The following CCDC30 variants were observed in gnomAD, a reference collection of about 807,000 sequenced individuals.
The protein encoded by CCDC30 is coiled-coil domain containing 30.
CCDC30 carries 70 observed loss-of-function variants against 100.2 expected under a neutral mutation model. The observed-to-expected ratio is 0.70, with a 90% CI of 0.58 to 0.85. The LOEUF (loss-of-function observed/expected upper bound fraction) is 0.85, where lower values mean the gene tolerates loss of function less well. Among genes scored for constraint, CCDC30 ranks in the 40% least tolerant of loss-of-function variants. The pLI is 0.00. For synonymous variants in CCDC30, 233 were observed against 269.5 expected (o/e 0.86, Z 1.33); for missense variants, 652 against 771.2 (o/e 0.85, Z 1.83).
At chr1:42,510,530 G>GTGGGA (rs1644461441) in intron 6 of CCDC30, among the ~76,000 whole-genome samples, 1 of 151,828 alleles carries the variant, frequency 6.6e-6, no homozygotes, top group African/African-American at 2.4e-5. Flanking sequence ...GGTGGCACAC[G>GTGGGA]CCTGTGGTCC....
intron 1 of CCDC30, among the ~76,000 whole-genome samples, chr1:42,472,555 A>G (rs1038142404): frequency 6.6e-6 from 1 of 152,208 alleles, no homozygotes; most frequent in Admixed American, 6.5e-5. Flanking sequence ...AATAAAAGGA[A>G]CAAAGACTTC....
chr1:42,510,612 G>A (rs369084020), intron 6 of CCDC30, among the ~76,000 whole-genome samples: 11 of 151,204 alleles, frequency 7.3e-5, no homozygotes, highest in South Asian at 2.1e-4. Flanking sequence ...AGGTGAGATC[G>A]CGCCACTGCA....
chr1:42,607,142 A>G (rs1254795925), intron 10 of CCDC30, among the ~76,000 whole-genome samples: 2 of 152,190 alleles, frequency 1.3e-5, no homozygotes, highest in Non-Finnish European at 2.9e-5. Flanking sequence ...AGTAGCAGCT[A>G]CTAGGGAAGC....
chr1:42,515,305 A>G (rs1057439370), intron 6 of CCDC30, among the ~76,000 whole-genome samples: 3 of 152,134 alleles, frequency 2.0e-5, no homozygotes, highest in African/African-American at 7.2e-5. Context: ...GGCCCTACTA[A>G]TACCTTGATT....
At chr1:42,483,065 C>A in intron 3 of CCDC30, 1 of 294,752 alleles carries the variant, frequency 3.4e-6, no homozygotes, top group East Asian at 5.5e-5. Context: ...TCTCAGAAGT[C>A]CCCTGTGTTC....
At chr1:42,623,167 C>T (rs1646872184) in intron 11 of CCDC30, among the ~76,000 whole-genome samples, 1 of 151,984 alleles carries the variant, frequency 6.6e-6, no homozygotes. Context: ...AAATATTTTC[C>T]CTATTCCATG....
chr1:42,580,113 A>C (rs750285338), intron 8 of CCDC30, among the ~76,000 whole-genome samples: 2 of 152,182 alleles, frequency 1.3e-5, no homozygotes, highest in African/African-American at 2.4e-5. Flanking sequence ...CAGGTTCAAA[A>C]GTTTGGATGT....
intron 7 of CCDC30, among the ~76,000 whole-genome samples, chr1:42,570,325 C>CA (rs1230640664): frequency 3.2e-4 from 44 of 139,106 alleles, no homozygotes; most frequent in African/African-American, 6.4e-4. Context: ...GGCCCTGTCT[C>CA]AAAAAAAAAA....
chr1:42,498,056 A>G (rs1006588667), intron 5 of CCDC30, among the ~76,000 whole-genome samples: 1 of 152,232 alleles, frequency 6.6e-6, no homozygotes, highest in Admixed American at 6.5e-5. Flanking sequence ...AGATAAGCAA[A>G]ATGTGGTATA....
upstream of CCDC30, among the ~76,000 whole-genome samples, chr1:42,460,635 C>A (rs1557779575): frequency 6.6e-6 from 1 of 152,178 alleles, no homozygotes; most frequent in Non-Finnish European, 1.5e-5. Flanking sequence ...GCAGGGGCCA[C>A]TTGGTGATCT....
intron 6 of CCDC30, chr1:42,500,131 A>C (rs1644286856): frequency 1.5e-6 from 2 of 1,322,162 alleles, no homozygotes; most frequent in South Asian, 2.3e-5. Flanking sequence ...TTACAAAGTT[A>C]AACAGCTAAA....
chr1:42,634,946 G>A (rs574744328), intron 11 of CCDC30, among the ~76,000 whole-genome samples: 1 of 152,208 alleles, frequency 6.6e-6, no homozygotes, highest in African/African-American at 2.4e-5. Context: ...GGAGTCTGTT[G>A]TGCCTGGCTT....
At chr1:42,508,988 G>C (rs556691163) in intron 6 of CCDC30, among the ~76,000 whole-genome samples, 1 of 152,282 alleles carries the variant, frequency 6.6e-6, no homozygotes, top group South Asian at 2.1e-4. Context: ...TAGCAGTTAA[G>C]TTTTTCAGCT....
intron 11 of CCDC30, among the ~76,000 whole-genome samples, chr1:42,633,186 G>T (rs1022707244): frequency 1.3e-5 from 2 of 152,138 alleles, no homozygotes; most frequent in Admixed American, 6.6e-5. Flanking sequence ...AAAACAAAAT[G>T]ATTTTAAAAC....
At chr1:42,565,102 A>G (rs957821047) in intron 6 of CCDC30, among the ~76,000 whole-genome samples, 1 of 152,074 alleles carries the variant, frequency 6.6e-6, no homozygotes, top group African/African-American at 2.4e-5. Context: ...CCATTCATCC[A>G]TTGATTGACA....
At position 42,567,554 on chromosome 1, in the gene CCDC30, G is replaced by A. The variant is rs76262450; in HGVS notation, c.636+1079G>A. Among the ~76,000 whole-genome samples, 583 of 152,278 alleles carry A rather than the reference G, an allele frequency of 3.8e-3. 1 individual carries two copies. Among genetic ancestry groups the A allele is most frequent in the African/African-American group, 0.012 (516 of 41,554 alleles). On this transcript the variant is annotated intron_variant, in intron 7 of 16. Coordinates refer to ENST00000668663, the Ensembl canonical transcript of CCDC30. The stretch of plus-strand genomic sequence containing the variant: ...AGGAAGGCCTTCTAAGGGAGTTCTC[G>A]TATTCCGGGATTATTTGAATAAACC...
At chr1:42,654,570 T>A (rs1373261054), downstream of CCDC30, 1 of 152,798 alleles carries the variant, frequency 6.5e-6, no homozygotes, top group Non-Finnish European at 1.5e-5. Flanking sequence ...GTGCCTGTAG[T>A]CCCAGCTACT....
intron 6 of CCDC30, among the ~76,000 whole-genome samples, chr1:42,521,972 T>G (rs1246324921): frequency 6.6e-6 from 1 of 152,090 alleles, no homozygotes; most frequent in Non-Finnish European, 1.5e-5. Context: ...ACAGTCATCC[T>G]GCAGTATCAT....
upstream of CCDC30, among the ~76,000 whole-genome samples, chr1:42,462,280 A>G (rs1324291148): frequency 6.6e-6 from 1 of 152,154 alleles, no homozygotes; most frequent in Admixed American, 6.5e-5. Flanking sequence ...GAAAAGGAAC[A>G]TGAGTCAATG....
Sources: gnomAD v4.1 joint callset for allele counts (sites outside exome capture counted in the v4.1 genomes callset) on GRCh38, gnomAD v4.1.1 for gene constraint, MANE v1.5 for transcripts, NCBI Gene and HGNC (gene_info 2026-07-23, HGNC 2026-07-21) for gene names.